Variants in PBX1 observed in about 807,000 individuals in gnomAD.
PBX1 encodes PBX homeobox 1.
PBX1 carries 6 observed loss-of-function variants against 53.4 expected under a neutral mutation model. That is an observed-to-expected ratio of 0.11 (90% CI 0.06 to 0.22). PBX1 has a LOEUF of 0.22. Ranked by LOEUF, PBX1 falls within the 10% of genes least tolerant of loss-of-function variation. The pLI, the probability that PBX1 is intolerant of heterozygous loss-of-function variation, is 1.00. For missense variants in PBX1, 251 were observed against 551.4 expected, an observed-to-expected ratio of 0.46 and a Z score of 5.46; for synonymous variants, 204 against 212.3, an observed-to-expected ratio of 0.96 and a Z score of 0.34.
intron 8 of PBX1, among the ~76,000 whole-genome samples, chr1:164,846,169 C>T (rs776403240): frequency 6.6e-6 from 1 of 152,004 alleles, no homozygotes; most frequent in African/African-American, 2.4e-5. Context: ...AGCATTTGAG[C>T]CAACCTTCTT....
chr1:164,738,852 T>C (rs1019607269), intron 2 of PBX1, among the ~76,000 whole-genome samples: 5 of 152,236 alleles, frequency 3.3e-5, no homozygotes, highest in Admixed American at 3.3e-4. Flanking sequence ...CGAGGTTACA[T>C]GTCACAGTTT....
At chr1:164,871,657 G>T (rs1025946886) in intron 2 of PBX1, among the ~76,000 whole-genome samples, 4 of 152,104 alleles carry the variant, frequency 2.6e-5, no homozygotes, top group African/African-American at 9.7e-5. Context: ...GATATCTGCT[G>T]TTTTGCCAAA....
At chr1:164,618,717 C>G (rs1286838083) in intron 2 of PBX1, among the ~76,000 whole-genome samples, 4 of 152,252 alleles carry the variant, frequency 2.6e-5, no homozygotes, top group African/African-American at 9.6e-5. Flanking sequence ...TTAGGAACTC[C>G]TTGGTCTTTT....
intron 2 of PBX1, among the ~76,000 whole-genome samples, chr1:164,879,666 C>T (rs553391075): frequency 1.3e-4 from 20 of 152,222 alleles, no homozygotes; most frequent in African/African-American, 1.9e-4. Flanking sequence ...TAAGTCAACA[C>T]GGTAGTCATG....
intron 8 of PBX1, among the ~76,000 whole-genome samples, chr1:164,827,400 C>G (rs1470673286): frequency 6.6e-6 from 1 of 152,150 alleles, no homozygotes; most frequent in Non-Finnish European, 1.5e-5. Context: ...CCTTCTGGTG[C>G]TATGACCAGG....
At chr1:164,835,062 T>C (rs2102399026) in intron 8 of PBX1, among the ~76,000 whole-genome samples, 1 of 152,334 alleles carries the variant, frequency 6.6e-6, no homozygotes, top group African/African-American at 2.4e-5. Context: ...TGTAAGAAAG[T>C]TACATTTCCT....
chr1:164,607,345 C>T (rs763557615), intron 2 of PBX1, among the ~76,000 whole-genome samples: 9 of 151,834 alleles, frequency 5.9e-5, no homozygotes, highest in Non-Finnish European at 1.3e-4. Flanking sequence ...GCTATTTTTG[C>T]GATTAAATTT....
At chr1:164,786,720 T>TGTGTGTGTGTGTGTGTGTGTGTGTGCGC (rs1357886882) in intron 2 of PBX1, among the ~76,000 whole-genome samples, 2 of 116,256 alleles carry the variant, frequency 1.7e-5, no homozygotes, top group African/African-American at 6.9e-5. Context: ...TGTGTGTGTG[T>TGTGTGTGTGTGTGTGTGTGTGTGTGCGC]GCGCGCGCAC....
At chr1:164,587,409 T>TTA (rs1655023232) in intron 2 of PBX1, among the ~76,000 whole-genome samples, 1 of 152,122 alleles carries the variant, frequency 6.6e-6, no homozygotes, top group Non-Finnish European at 1.5e-5. Flanking sequence ...ATATGAATGA[T>TTA]TAATAAGATC....
chr1:164,791,972 G>C (rs1004832743), intron 2 of PBX1, among the ~76,000 whole-genome samples: 10 of 151,860 alleles, frequency 6.6e-5, no homozygotes, highest in African/African-American at 2.4e-4. Flanking sequence ...CTACAGGCAC[G>C]CACCACCACG....
At chr1:164,781,806 T>C (rs1378091255) in intron 2 of PBX1, among the ~76,000 whole-genome samples, 1 of 152,142 alleles carries the variant, frequency 6.6e-6, no homozygotes, top group Non-Finnish European at 1.5e-5. Flanking sequence ...TAAAACCTCC[T>C]CTTTTTGCCA....
intron 2 of PBX1, among the ~76,000 whole-genome samples, chr1:164,881,627 G>GAAT: frequency 2.5e-5 from 1 of 40,508 alleles, no homozygotes; most frequent in Admixed American, 1.7e-4. Context: ...AAAGGAAGAA[G>GAAT]AAAAAAGGGG....
chr1:164,615,226 T>A (rs1312343439), intron 2 of PBX1, among the ~76,000 whole-genome samples: 1 of 152,158 alleles, frequency 6.6e-6, no homozygotes, highest in Non-Finnish European at 1.5e-5. Context: ...GAAAAATGAG[T>A]AAGTTGGACC....
intron 2 of PBX1, among the ~76,000 whole-genome samples, chr1:164,639,295 G>A (rs1279794662): frequency 2.6e-5 from 4 of 152,232 alleles, no homozygotes. Context: ...CCAAACTTCA[G>A]TGTCTTGGTT....
intron 2 of PBX1, among the ~76,000 whole-genome samples, chr1:164,600,312 C>A (rs1406098740): frequency 7.4e-6 from 1 of 136,028 alleles, no homozygotes; most frequent in Non-Finnish European, 1.5e-5. Context: ...AGTGCAGTGG[C>A]GTGATCTCGG....
At chr1:164,873,178 A>AT (rs1482365133) in intron 2 of PBX1, among the ~76,000 whole-genome samples, 3 of 152,160 alleles carry the variant, frequency 2.0e-5, no homozygotes, top group Admixed American at 6.5e-5. Flanking sequence ...CCACCCTACT[A>AT]TTTTTGCCTT....
Position 164,622,864 on chromosome 1 carries a change from G to A in PBX1, c.265+59553G>A, listed in dbSNP as rs561476030. On this transcript the variant is annotated intron_variant, in intron 2 of 8. Coordinates refer to ENST00000420696, the MANE Select transcript of PBX1 (RefSeq NM_002585.4). The stretch of plus-strand genomic sequence containing the variant: ...TTTTGAGACAGAGTCTTGCTCTTTC[G>A]CCCAGGCTGGAGTGCACTTGGCTCA... Among the ~76,000 whole-genome samples the A allele has an allele frequency of 1.3e-3, 157 of 124,638 alleles. 3 individuals carry two copies. Among genetic ancestry groups the A allele is most frequent in the Non-Finnish European group, 3.7e-4 (23 of 62,942 alleles). The allele number at this position is 124,638 out of a possible 152,430, so 81.8% of individuals were successfully genotyped here.
chr1:164,789,952 T>C (rs1444853210), intron 2 of PBX1, among the ~76,000 whole-genome samples: 1 of 149,636 alleles, frequency 6.7e-6, no homozygotes, highest in East Asian at 1.9e-4. Context: ...TATTTATTAA[T>C]GGCTCAGAGG....
chr1:164,605,972 C>T (rs966333669), intron 2 of PBX1, among the ~76,000 whole-genome samples: 6 of 152,126 alleles, frequency 3.9e-5, no homozygotes, highest in African/African-American at 1.4e-4. Context: ...CATGCCTTCC[C>T]TCCAGTTTCC....
Sources: gnomAD v4.1 joint callset for allele counts (sites outside exome capture counted in the v4.1 genomes callset) on GRCh38, gnomAD v4.1.1 for gene constraint, MANE v1.5 for transcripts, NCBI Gene and HGNC (gene_info 2026-07-23, HGNC 2026-07-21) for gene names.